The following DDX47 variants were observed in gnomAD, a reference collection of about 807,000 sequenced individuals.
DDX47 encodes probable ATP-dependent RNA helicase DDX47.
Under a neutral mutation model 58.8 loss-of-function variants are expected in DDX47, and 60 were observed. That is an observed-to-expected ratio of 1.02 (90% confidence interval 0.83 to 1.26). The LOEUF (loss-of-function observed/expected upper bound fraction) is 1.26, where lower values mean the gene tolerates loss of function less well. Among genes scored for constraint, DDX47 ranks in the 50% most tolerant of loss-of-function variants. DDX47 has a pLI of 0.00. For missense variants in DDX47, 530 were observed against 573.2 expected, an observed-to-expected ratio of 0.92 and a Z score of 0.77; for synonymous variants, 197 against 204.6, an observed-to-expected ratio of 0.96 and a Z score of 0.32.
At chr12:12,817,720 T>A (rs1862917102) in intron 2 of DDX47, among the ~76,000 whole-genome samples, 1 of 152,206 alleles carries the variant, frequency 6.6e-6, no homozygotes, top group African/African-American at 2.4e-5. Context: ...TCTCTACAGG[T>A]ATAAACACTG....
chr12:12,813,624 G>T (rs970385261), intron 1 of DDX47, 170 bp downstream of exon 1: 2 of 663,154 alleles, frequency 3.0e-6, no homozygotes, highest in Non-Finnish European at 5.1e-6. Flanking sequence ...GAGTTTGGGT[G>T]GTGGGAGGGC....
At chr12:12,827,024 T>G (rs1863061410) in intron 10 of DDX47, among the ~76,000 whole-genome samples, 1 of 152,224 alleles carries the variant, frequency 6.6e-6, no homozygotes, top group African/African-American at 2.4e-5. Context: ...CCCAAAGCGT[T>G]GGGATTACAG....
chr12:12,813,515 AG>A, intron 1 of DDX47, 61 bp downstream of exon 1: 2 of 1,422,338 alleles, frequency 1.4e-6, no homozygotes, highest in Non-Finnish European at 1.9e-6. Flanking sequence ...GGGAGACCCC[AG>A]GTACCTTAGA....
intron 7 of DDX47, 115 bp downstream of exon 7, chr12:12,823,434 G>T: frequency 1.4e-6 from 1 of 730,216 alleles, no homozygotes; most frequent in Non-Finnish European, 2.4e-6. Flanking sequence ...CATCCTGTCT[G>T]TTTGCTTTAG....
intron 10 of DDX47, 24 bp downstream of exon 10, chr12:12,826,094 G>T: frequency 6.3e-7 from 1 of 1,598,260 alleles, no homozygotes; most frequent in South Asian, 1.1e-5. Context: ...CTTTAGGGCC[G>T]AGCAATGTAG....
chr12:12,822,212 T>C, intron 5 of DDX47, 129 bp downstream of exon 5: 1 of 634,676 alleles, frequency 1.6e-6, no homozygotes, highest in Non-Finnish European at 2.8e-6. Context: ...ATTCTTCAAA[T>C]TGCAGTTTCT....
intron 2 of DDX47, among the ~76,000 whole-genome samples, chr12:12,817,584 A>G (rs1376995718): frequency 1.3e-5 from 2 of 152,212 alleles, no homozygotes; most frequent in Admixed American, 1.3e-4. Flanking sequence ...AGTTGTCCTC[A>G]AGGAATTTCA....
In DDX47 at chr12:12,823,904, C is replaced by G. The variant is rs1210408716; in HGVS notation, c.785C>G (p.Ala262Gly). 1 of 1,613,890 alleles carries G rather than the reference C, an allele frequency of 6.2e-7. No homozygotes were observed. The highest frequency in any genetic ancestry group is 8.5e-7 in the Non-Finnish European group (1 of 1,179,966). The change falls in exon 8 of 12, where the codon GCT becomes GGT. Residue 262 changes from alanine (A) to glycine (G), a missense_variant. Transcript: ENST00000358007. ...CTGGTTTATATTCTAAATGAATTGG[C>G]TGGAAACTCCTTTATGATATTCTGC... ...TYLVYILNEL[A>G]GNSFMIFCST...
chr12:12,826,189 G>T, intron 10 of DDX47, 119 bp downstream of exon 10: 6 of 734,502 alleles, frequency 8.2e-6, no homozygotes, highest in Non-Finnish European at 1.3e-5. Context: ...TGAAAACCAG[G>T]ATGAAGGAGT....
At chr12:12,813,954 C>T (rs1428236501) in intron 1 of DDX47, among the ~76,000 whole-genome samples, 177 bp from the exon 2 acceptor site, 6 of 152,150 alleles carry the variant, frequency 3.9e-5, no homozygotes, top group Admixed American at 3.3e-4. Context: ...AGAAAGTGTT[C>T]GTTAAGTCTT....
At chr12:12,814,309 A>C in intron 2 of DDX47, 85 bp downstream of exon 2, 1 of 862,944 alleles carries the variant, frequency 1.2e-6, no homozygotes, top group South Asian at 1.4e-5. Flanking sequence ...GCATACTTCA[A>C]GTGAAATAAG....
In DDX47 at chr12:12,818,786, G is replaced by A. The variant is rs150898253; in HGVS notation, c.182-2422G>A. Among the ~76,000 whole-genome samples the A allele has an allele frequency of 2.8e-3, 430 of 152,266 alleles. 3 individuals are homozygous for A. Among genetic ancestry groups the A allele is most frequent in the African/African-American group, 9.9e-3 (410 of 41,546 alleles). ...GCAGGAGGCGAAAGGCACTTATTAC[G>A]TGGTGGCGGCAAGAGAAAATGAGAG... On this transcript the variant is annotated intron_variant, in intron 2 of 11. Transcript: ENST00000358007.
intron 1 of DDX47, 75 bp downstream of exon 1, chr12:12,813,529 C>A: frequency 7.6e-7 from 1 of 1,313,690 alleles, no homozygotes; most frequent in Non-Finnish European, 1.1e-6. Context: ...ACCTTAGATC[C>A]CGCTCTGATA....
chr12:12,821,723 A>G lies in DDX47; in HGVS notation c.439A>G (p.Ile147Val). 1.9e-6 allele frequency: 3 copies of G among 1,607,768 alleles called. No homozygotes were observed. The highest frequency in any genetic ancestry group is 1.1e-5 in the South Asian group (1 of 90,954). The change falls in exon 4 of 12, where the codon ATA becomes GTA. Residue 147 changes from isoleucine to valine, a missense_variant. Ile to Val is a conservative substitution (Grantham distance 29). Coordinates refer to ENST00000358007, the MANE Select transcript of DDX47 (RefSeq NM_016355.4). ...LALAKKPHII[I>V]ATPGRLIDHL... ...CCTTGCAAAAAAACCACATATAATAATAGGTGAGTAACTGACAAAGGTAAA... is the reference window on the plus strand; with the variant it reads ...CCTTGCAAAAAAACCACATATAATAGTAGGTGAGTAACTGACAAAGGTAAA...
rs187246766 is a variant in DDX47, at chr12:12,828,179, A to G, written c.1236+804A>G. Among the ~76,000 whole-genome samples, 29 of 152,290 alleles carry G rather than the reference A, an allele frequency of 1.9e-4. No homozygotes were observed. The East Asian group carries it at 5.0e-3, about 26-fold the overall frequency. ...AGCAATCCAAAATTTTTTGAGTGCG[A>G]AAAGGATTGCCGCAAGTGGAAAATT... On this transcript the variant is annotated intron_variant, in intron 11 of 11. Transcript: ENST00000358007.
chr12:12,827,869 C>CTTTTTTTTTTTTTTTTTTTTTTTTTTTTT (rs1354059622), intron 11 of DDX47, among the ~76,000 whole-genome samples: 4 of 109,692 alleles, frequency 3.6e-5, no homozygotes, highest in Non-Finnish European at 3.7e-5. Context: ...CAAAACTTTT[C>CTTTTTTTTTTTTTTTTTTTTTTTTTTTTT]TTTTTTCTTT....
At chr12:12,813,591 G>C (rs748999057) in intron 1 of DDX47, 137 bp downstream of exon 1, 2 of 834,234 alleles carry the variant, frequency 2.4e-6, no homozygotes, top group Non-Finnish European at 3.8e-6. Context: ...GAATTTCAGA[G>C]GGCTGGGTTT....
chr12:12,817,434 T>C (rs1307171101), intron 2 of DDX47, among the ~76,000 whole-genome samples: 3 of 152,164 alleles, frequency 2.0e-5, no homozygotes, highest in Non-Finnish European at 4.4e-5. Context: ...AGTTGTTTGA[T>C]GGGCATGGTG....
chr12:12,814,102 G>A lies in DDX47; in HGVS notation c.88-29G>A, dbSNP rs1312148774. 5 of 1,480,330 alleles carry A rather than the reference G, an allele frequency of 3.4e-6. No individual in the cohort carries two copies. In the African/African-American group the frequency reaches 5.5e-5, roughly 16 times the overall value. 91.7% of individuals were successfully genotyped at this position (1,480,330 alleles called of 1,614,324 possible). On this transcript the variant is annotated intron_variant, in intron 1 of 11. Coordinates refer to ENST00000358007, the MANE Select transcript of DDX47 (RefSeq NM_016355.4). Reference sequence around the variant, plus strand: ...AGGGAGGTAGGGGTGTGCTGTTCTTGGCTAAGGTATATTTTTCTGAATTCC... The same window carrying A: ...AGGGAGGTAGGGGTGTGCTGTTCTTAGCTAAGGTATATTTTTCTGAATTCC...
Sources: gnomAD v4.1 joint callset for allele counts (sites outside exome capture counted in the v4.1 genomes callset) on GRCh38, gnomAD v4.1.1 for gene constraint, MANE v1.5 for transcripts, NCBI Gene and HGNC (gene_info 2026-07-23, HGNC 2026-07-21) for gene names.